SCARB1: variants seen among roughly 807,000 people sequenced by gnomAD.
SCARB1 encodes CD36 and LIMPII analogous 1.
A neutral mutation model predicts 57.2 loss-of-function variants in SCARB1; 30 were observed. The ratio of observed to expected loss-of-function variants is 0.52; its 90% CI spans 0.39 to 0.71. The LOEUF (loss-of-function observed/expected upper bound fraction) is 0.71, where lower values mean the gene tolerates loss of function less well. Among genes scored for constraint, SCARB1 ranks in the 30% least tolerant of loss-of-function variants. The probability of loss-of-function intolerance (pLI) is 0.00; values close to 1 mark genes in which losing one functional copy is unlikely to be tolerated. For missense variants in SCARB1, 543 were observed against 671.2 expected (o/e 0.81, Z 2.11); for synonymous variants, 249 against 268.3 (o/e 0.93, Z 0.70).
intron 10 of SCARB1, 40 bp from the exon 11 acceptor site, chr12:124,786,543 A>C: frequency 6.2e-7 from 1 of 1,611,776 alleles, no homozygotes; most frequent in Non-Finnish European, 8.5e-7. Context: ...CTGGGGCCGC[A>C]GGCTGCGGGC....
intron 1 of SCARB1, among the ~76,000 whole-genome samples, chr12:124,837,588 GAAAAGA>G (rs201377274): frequency 0.38 from 23,029 of 61,114 alleles, 3,083 homozygotes; most frequent in Middle Eastern, 0.48. Flanking sequence ...GAAAAGAAAA[GAAAAGA>G]AAAGTCAGCC....
In SCARB1 at chr12:124,810,436, T is replaced by C; in HGVS notation, c.727-147A>G. 1.5e-6 allele frequency: 1 copy of C among 671,128 alleles called. No homozygotes were observed. Among genetic ancestry groups the C allele is most frequent in the South Asian group, 1.6e-5 (1 of 61,434 alleles). 41.6% of individuals were successfully genotyped at this position (671,128 alleles called of 1,614,324 possible). On this transcript the variant is annotated intron_variant, in intron 5 of 12. Transcript: ENST00000261693. The surrounding 1 kb of genome is among the most constrained non-coding windows in gnomAD (Gnocchi z 4.0). Reference sequence around the variant, plus strand: ...CACGGTGGGAAGAGGGCAGGCTATGTAGACACACAGAGAGAATGCCTACCA... The same window carrying C: ...CACGGTGGGAAGAGGGCAGGCTATGCAGACACACAGAGAGAATGCCTACCA...
chr12:124,817,747 TG>T lies in SCARB1; in HGVS notation c.127-41del. On this transcript the variant is annotated intron_variant, in intron 1 of 12. Coordinates refer to ENST00000261693, the MANE Select transcript of SCARB1 (RefSeq NM_005505.5). This position sits in a 1 kb window ranked among gnomAD's most constrained non-coding sequence, Gnocchi z 4.8. ...ACAAGTACGCTTGTGAGGAGAGTGATGAGGGCCCCACGCCCCACCACAAGGC... is the reference window on the plus strand; with the variant it reads ...ACAAGTACGCTTGTGAGGAGAGTGATAGGGCCCCACGCCCCACCACAAGGC... 6.2e-7 allele frequency: 1 copy of T among 1,611,794 alleles called. No homozygotes were observed. The highest frequency in any genetic ancestry group is 8.5e-7 in the Non-Finnish European group (1 of 1,178,144).
chr12:124,786,183 A>G lies in SCARB1; in HGVS notation c.1401+174T>C, dbSNP rs75289200. The G allele has an allele frequency of 1.3e-3, 2,025 of 1,585,040 alleles. 37 individuals carry two copies. In the African/African-American group the frequency reaches 0.024, roughly 19 times the overall value. On this transcript the variant is annotated intron_variant, in intron 11 of 12. Coordinates refer to ENST00000261693, the MANE Select transcript of SCARB1 (RefSeq NM_005505.5). ...TGGCAACGCGGCATGCAAAAGACGC[A>G]AGCGTGCTGCGCAGCCCCCAGCAGT...
At chr12:124,863,080 G>A (rs1346148820) in intron 1 of SCARB1, among the ~76,000 whole-genome samples, 1 of 152,206 alleles carries the variant, frequency 6.6e-6, no homozygotes, top group Non-Finnish European at 1.5e-5. Flanking sequence ...AGGATGCTCA[G>A]CTGAGCACCT....
At chr12:124,850,544 C>G (rs988010469) in intron 1 of SCARB1, among the ~76,000 whole-genome samples, 4 of 152,140 alleles carry the variant, frequency 2.6e-5, no homozygotes, top group African/African-American at 9.7e-5. Flanking sequence ...AGTGGCGCAG[C>G]CTGTAATCCC....
In SCARB1 at chr12:124,806,184, G is replaced by A. The variant is rs142179064; in HGVS notation, c.1009+1577C>T. ...CTGGATCACCAGGAAGGACGTGTCC[G>A]TGGCCTGGACAATGAGGCGGGGGTT... On this transcript the variant is annotated intron_variant, in intron 7 of 12. Transcript: ENST00000261693. 6.4e-3 allele frequency among the ~76,000 whole-genome samples: 970 copies of A among 152,240 alleles called. 10 individuals are homozygous for A. Among genetic ancestry groups the A allele is most frequent in the African/African-American group, 0.022 (930 of 41,528 alleles).
chr12:124,826,046 A>G (rs1951144447), intron 1 of SCARB1, among the ~76,000 whole-genome samples: 1 of 151,806 alleles, frequency 6.6e-6, no homozygotes, highest in Non-Finnish European at 1.5e-5. Context: ...TCACCACTAA[A>G]AACAAAGAGG....
chr12:124,814,896 G>A lies in SCARB1; in HGVS notation c.426+77C>T. The A allele has an allele frequency of 6.3e-7, 1 of 1,590,384 alleles. No individual in the cohort carries two copies. Among genetic ancestry groups the A allele is most frequent in the South Asian group, 1.1e-5 (1 of 89,778 alleles). On this transcript the variant is annotated intron_variant, in intron 3 of 12. Coordinates refer to ENST00000261693, the MANE Select transcript of SCARB1 (RefSeq NM_005505.5). The surrounding 1 kb of genome is among the most constrained non-coding windows in gnomAD (Gnocchi z 4.7). ...CCGACCACCTCAGGGACTGCTCTCT[G>A]CACAAGGGGCAGGCGGGAGGAGAGA...
chr12:124,794,190 T>C (rs560056135), intron 9 of SCARB1, among the ~76,000 whole-genome samples: 2 of 152,306 alleles, frequency 1.3e-5, no homozygotes, highest in South Asian at 4.1e-4. Context: ...TTGGGGATGA[T>C]GAAAATGTTC....
In SCARB1 at chr12:124,817,588, C is replaced by T. The variant is rs1221825093; in HGVS notation, c.246G>A (p.Glu82=). 6.2e-7 allele frequency: 1 copy of T among 1,614,100 alleles called. No homozygotes were observed. Among genetic ancestry groups the T allele is most frequent in the Non-Finnish European group, 8.5e-7 (1 of 1,180,044 alleles). Residue 82 remains glutamate (E), a synonymous_variant, in exon 2 of 13, where the codon GAG becomes GAA. Coordinates refer to ENST00000261693, the MANE Select transcript of SCARB1 (RefSeq NM_005505.5). This position sits in a 1 kb window ranked among gnomAD's most constrained non-coding sequence, Gnocchi z 4.8. ...GCCCGCGCTCCCGCACCTGCGGCTT[C>T]TCGCCCTTCAGGATCTCGCTGGGGT... ...VMNPSEILKG[E]KPQVRERGPY... is the part of the protein sequence containing the mutation.
intron 1 of SCARB1, among the ~76,000 whole-genome samples, chr12:124,838,318 T>C (rs536783332): frequency 6.4e-4 from 98 of 152,298 alleles, no homozygotes; most frequent in Non-Finnish European, 1.3e-3. Context: ...TCCCCTGATA[T>C]GCCACATGGA....
chr12:124,848,850 T>C (rs985950783), intron 1 of SCARB1, among the ~76,000 whole-genome samples: 1 of 152,212 alleles, frequency 6.6e-6, no homozygotes, highest in Non-Finnish European at 1.5e-5. Context: ...AAACCCACGG[T>C]GCAGCAAAGC....
In SCARB1 at chr12:124,817,605, C is replaced by T. The variant is rs764511264; in HGVS notation, c.229G>A (p.Glu77Lys). 1.9e-6 allele frequency: 3 copies of T among 1,614,224 alleles called. No individual in the cohort carries two copies. The highest frequency in any genetic ancestry group is 1.7e-6 in the Non-Finnish European group (2 of 1,180,038). ...VYFFDVMNPS[E>K]ILKGEKPQVR... is the part of the protein sequence containing the mutation. ...TGCGGCTTCTCGCCCTTCAGGATCT[C>T]GCTGGGGTTCATGACGTCAAAGAAG... Residue 77 changes from glutamate (E) to lysine (K), a missense_variant, in exon 2 of 13, where the codon GAG becomes AAG. Coordinates refer to ENST00000261693, the MANE Select transcript of SCARB1 (RefSeq NM_005505.5). This position sits in a 1 kb window ranked among gnomAD's most constrained non-coding sequence, Gnocchi z 4.8.
At chr12:124,838,977 C>T (rs1294783742) in intron 1 of SCARB1, among the ~76,000 whole-genome samples, 1 of 151,826 alleles carries the variant, frequency 6.6e-6, no homozygotes, top group Non-Finnish European at 1.5e-5. Context: ...GTTTCACCAT[C>T]TTGGCCAGGC....
rs149864643 is a variant in SCARB1, at chr12:124,823,370, C to G, written c.127-5663G>C. Among the ~76,000 whole-genome samples the G allele has an allele frequency of 3.3e-5, 5 of 152,322 alleles. No individual in the cohort carries two copies. The East Asian group carries it at 9.6e-4, about 29-fold the overall frequency. ...CCAAAGAAAATACACAAATAGCCAA[C>G]AAGCTCATGAAAAGGTGCTTGACAT... On this transcript the variant is annotated intron_variant, in intron 1 of 12. Transcript: ENST00000261693.
In SCARB1 at chr12:124,810,252, T is replaced by C. The variant is rs777634591; in HGVS notation, c.764A>G (p.Asn255Ser). 6 of 1,614,114 alleles carry C rather than the reference T, an allele frequency of 3.7e-6. No individual in the cohort carries two copies. The highest frequency in any genetic ancestry group is 2.2e-5 in the South Asian group (2 of 91,082). Residue 255 changes from asparagine (N) to serine (S), a missense_variant, in exon 6 of 13, where the codon AAT (asparagine) becomes AGT (serine). Coordinates refer to ENST00000261693, the MANE Select transcript of SCARB1 (RefSeq NM_005505.5). This position sits in a 1 kb window ranked among gnomAD's most constrained non-coding sequence, Gnocchi z 4.0. The part of the protein sequence containing the change: ...FWHSDQCNMI[N>S]GTSGQMWPPF... ...CGGCCACATTTGCCCAGAAGTTCCA[T>C]TGATCATGTTGCACTGATCGGAATG...
chr12:124,786,597 A>G, intron 10 of SCARB1, 94 bp from the exon 11 acceptor site: 1 of 1,563,906 alleles, frequency 6.4e-7, no homozygotes, highest in South Asian at 1.1e-5. Context: ...TGCCCGCCTC[A>G]GCTTTTCCCC....
At chr12:124,815,167 C>G in intron 2 of SCARB1, 53 bp from the exon 3 acceptor site, 1 of 1,599,836 alleles carries the variant, frequency 6.3e-7, no homozygotes, top group Non-Finnish European at 8.5e-7. Context: ...TGGGACGTTT[C>G]CCTTCTACTC....
Sources: allele counts gnomAD v4.1 joint callset (sites outside exome capture counted in the v4.1 genomes callset), GRCh38; gene constraint gnomAD v4.1.1; non-coding constraint Gnocchi (gnomAD v3.1); transcripts MANE v1.5; gene names NCBI Gene and HGNC (gene_info 2026-07-23, HGNC 2026-07-21).